The following SARNP variants were observed in gnomAD, a reference collection of about 807,000 sequenced individuals.
SARNP encodes SAP domain-containing ribonucleoprotein.
Under a neutral mutation model 38.1 loss-of-function variants are expected in SARNP, and 5 were observed. The ratio of observed to expected loss-of-function variants is 0.13; its 90% CI spans 0.07 to 0.28. The LOEUF is 0.28. Ranked by LOEUF, SARNP falls within the 10% of genes least tolerant of loss-of-function variation. The pLI, the probability that SARNP is intolerant of heterozygous loss-of-function variation, is 1.00. For missense variants in SARNP, 180 were observed against 243.9 expected, an observed-to-expected ratio of 0.74 and a Z score of 1.75; for synonymous variants, 84 against 80.6, an observed-to-expected ratio of 1.04 and a Z score of -0.23.
intron 9 of SARNP, among the ~76,000 whole-genome samples, chr12:55,782,754 A>AATTT (rs1324001283): frequency 6.6e-6 from 1 of 152,064 alleles, no homozygotes; most frequent in Non-Finnish European, 1.5e-5. Context: ...GCACCTGGCT[A>AATTT]ATTTGTTTTT....
chr12:55,815,317 C>A (rs1880449934), intron 1 of SARNP, among the ~76,000 whole-genome samples: 1 of 152,166 alleles, frequency 6.6e-6, no homozygotes, highest in Non-Finnish European at 1.5e-5. Flanking sequence ...GTTGGGATTA[C>A]AGGTGTGGGT....
intron 1 of SARNP, among the ~76,000 whole-genome samples, chr12:55,816,779 T>A (rs909921823): frequency 2.6e-5 from 4 of 152,194 alleles, no homozygotes; most frequent in African/African-American, 4.8e-5. Flanking sequence ...TTTAATATAT[T>A]TTTTTAACTT....
chr12:55,779,712 G>C (rs1565675036), intron 9 of SARNP, among the ~76,000 whole-genome samples: 2 of 152,228 alleles, frequency 1.3e-5, no homozygotes, highest in Non-Finnish European at 2.9e-5. Flanking sequence ...TAAATCCATA[G>C]TACAGTAGTC....
rs576411632 is a variant in SARNP at position 55,760,338 on chromosome 12, TTAAA to T, written c.591+209_591+212del. On this transcript the variant is annotated intron_variant, in intron 10 of 10. Transcript: ENST00000336133. ...CAACAGAATGAGACCCCATCTCTAC[TTAAA>T]TAAATAAATAATTAAGAAGTAGGTG... 91 of 541,386 alleles carry T rather than the reference TTAAA, an allele frequency of 1.7e-4. 1 individual carries two copies. In the South Asian group the frequency reaches 1.7e-3, roughly 10 times the overall value. The allele number at this position is 541,386 out of a possible 1,614,324, so 33.5% of individuals were successfully genotyped here. A position where few individuals can be genotyped will look rare whatever the true frequency, so the allele number is the denominator to read the frequency against.
chr12:55,784,935 T>A (rs753796773), intron 9 of SARNP, among the ~76,000 whole-genome samples: 8 of 152,216 alleles, frequency 5.3e-5, no homozygotes, highest in Admixed American at 3.3e-4. Flanking sequence ...AGTGAAGTAG[T>A]CCCTGGAAAC....
At chr12:55,785,364 A>C (rs1565676649) in intron 9 of SARNP, among the ~76,000 whole-genome samples, 1 of 152,344 alleles carries the variant, frequency 6.6e-6, no homozygotes, top group South Asian at 2.1e-4. Flanking sequence ...TAATTGACTC[A>C]GTTTTAAGGC....
chr12:55,800,670 G>A (rs1879954325), intron 3 of SARNP, 41 bp from the exon 4 acceptor site: 1 of 1,494,382 alleles, frequency 6.7e-7, no homozygotes, highest in African/African-American at 1.4e-5. Context: ...TAAATCTAAA[G>A]AATAAATATC....
intron 1 of SARNP, among the ~76,000 whole-genome samples, chr12:55,807,001 C>T (rs1336361346): frequency 6.6e-6 from 1 of 151,966 alleles, no homozygotes; most frequent in Non-Finnish European, 1.5e-5. Context: ...CCATGTTGCC[C>T]GGGCTGAACT....
At chr12:55,788,376 C>A (rs1484815516) in intron 9 of SARNP, among the ~76,000 whole-genome samples, 1 of 151,928 alleles carries the variant, frequency 6.6e-6, no homozygotes, top group Non-Finnish European at 1.5e-5. Context: ...TTTCTAAGTA[C>A]TTCTGACCTA....
rs75394667 is a variant in SARNP, at chr12:55,797,464, C to T, written c.252-1388G>A. ...TCTGACGTTTAAAGAAATTTCTAAA[C>T]GCTTCCCATTTCCTTGCCATCCTTC... On this transcript the variant is annotated intron_variant, in intron 4 of 10. Transcript: ENST00000336133. Among the ~76,000 whole-genome samples the T allele has an allele frequency of 2.0e-4, 31 of 152,282 alleles. No individual in the cohort carries two copies. The East Asian group carries it at 5.6e-3, about 27-fold the overall frequency.
At chr12:55,771,316 A>T (rs1051909701) in intron 9 of SARNP, among the ~76,000 whole-genome samples, 2 of 152,168 alleles carry the variant, frequency 1.3e-5, no homozygotes, top group Non-Finnish European at 2.9e-5. Context: ...AAACTAGGAG[A>T]AACAAAGCAA....
chr12:55,808,382 G>C (rs1045702940), intron 1 of SARNP, among the ~76,000 whole-genome samples: 1 of 151,664 alleles, frequency 6.6e-6, no homozygotes, highest in Non-Finnish European at 1.5e-5. Flanking sequence ...GCAATGGCGT[G>C]ATCTTGGCTC....
At chr12:55,765,384 T>G (rs1353638526) in intron 9 of SARNP, among the ~76,000 whole-genome samples, 1 of 152,172 alleles carries the variant, frequency 6.6e-6, no homozygotes, top group East Asian at 1.9e-4. Flanking sequence ...CTCACTCTGT[T>G]GCCATGCTGT....
At position 55,763,551 on chromosome 12, in the gene SARNP, G is replaced by A. The variant is rs149436619; in HGVS notation, c.502-2911C>T. Among the ~76,000 whole-genome samples, 910 of 152,222 alleles carry A rather than the reference G, an allele frequency of 6.0e-3. 6 individuals are homozygous for A. Among genetic ancestry groups the A allele is most frequent in the Middle Eastern group, 0.054 (16 of 294 alleles). On this transcript the variant is annotated intron_variant, in intron 9 of 10. Coordinates refer to ENST00000336133, the MANE Select transcript of SARNP (RefSeq NM_033082.4). ...TCGAACTCCTGACCTCAGGTGATCC[G>A]CCCACTTCGCCTTCCAAAGTGTTGG... is the stretch of plus-strand genomic sequence containing the variant.
chr12:55,796,481 C>T (rs190184906), intron 4 of SARNP, among the ~76,000 whole-genome samples: 1 of 152,216 alleles, frequency 6.6e-6, no homozygotes, highest in South Asian at 2.1e-4. Flanking sequence ...CAGCTCACTG[C>T]AACCTCCACC....
chr12:55,783,433 T>G (rs1471540863), intron 9 of SARNP, among the ~76,000 whole-genome samples: 3 of 152,048 alleles, frequency 2.0e-5, no homozygotes, highest in African/African-American at 7.2e-5. Context: ...GTGTAAAAAA[T>G]TTCTGTAAAT....
intron 9 of SARNP, among the ~76,000 whole-genome samples, chr12:55,776,188 C>T (rs910155882): frequency 2.4e-4 from 37 of 152,138 alleles, no homozygotes; most frequent in Non-Finnish European, 5.1e-4. Context: ...CTTCCGTCTG[C>T]AATCCAAGCA....
intron 9 of SARNP, among the ~76,000 whole-genome samples, chr12:55,781,374 A>G (rs983392541): frequency 3.3e-5 from 5 of 152,026 alleles, no homozygotes; most frequent in African/African-American, 9.7e-5. Flanking sequence ...TCTCTACTAA[A>G]AATACAAAAA....
intron 9 of SARNP, among the ~76,000 whole-genome samples, chr12:55,785,817 A>T (rs1227269000): frequency 1.3e-5 from 2 of 150,450 alleles, no homozygotes; most frequent in Admixed American, 6.6e-5. Flanking sequence ...TCTGTCACCC[A>T]GGCTGGAGTG....
Sources: allele counts gnomAD v4.1 joint callset (sites outside exome capture counted in the v4.1 genomes callset), GRCh38; gene constraint gnomAD v4.1.1; transcripts MANE v1.5; gene names NCBI Gene and HGNC (gene_info 2026-07-23, HGNC 2026-07-21).